The following MKRN1 variants were observed in gnomAD, a reference collection of about 807,000 sequenced individuals.
The protein encoded by MKRN1 is E3 ubiquitin-protein ligase makorin-1.
Under a neutral mutation model 55.5 loss-of-function variants are expected in MKRN1, and 9 were observed. That is an observed-to-expected ratio of 0.16 (90% CI 0.10 to 0.28). The LOEUF (loss-of-function observed/expected upper bound fraction) is 0.28. Among genes scored for constraint, MKRN1 ranks in the 10% least tolerant of loss-of-function variants. The pLI is 1.00. For synonymous variants in MKRN1, 253 were observed against 235.9 expected, an observed-to-expected ratio of 1.07 and a Z score of -0.66; for missense variants, 488 against 626.7, an observed-to-expected ratio of 0.78 and a Z score of 2.36.
intron 2 of MKRN1, among the ~76,000 whole-genome samples, chr7:140,464,515 C>G (rs1794716234): frequency 6.6e-6 from 1 of 152,078 alleles, no homozygotes; most frequent in South Asian, 2.1e-4. Flanking sequence ...CCAGCCTGAT[C>G]AACATGGAGA....
intron 2 of MKRN1, among the ~76,000 whole-genome samples, chr7:140,468,722 A>AAAAAAAAAAAAAC (rs1794839252): frequency 6.6e-6 from 1 of 151,212 alleles, no homozygotes; most frequent in Non-Finnish European, 1.5e-5. Context: ...AAAAAAAAAA[A>AAAAAAAAAAAAAC]AAAGACATGC....
Position 140,468,701 on chromosome 7 carries a change from CAAAAAAA to C in MKRN1, c.314+3175_314+3181del, listed in dbSNP as rs528725182. Among the ~76,000 whole-genome samples, 46 of 32,128 alleles carry C rather than the reference CAAAAAAA, an allele frequency of 1.4e-3. 2 individuals carry two copies. In the South Asian group the frequency reaches 0.064, roughly 45 times the overall value. The allele number at this position is 32,128 out of a possible 152,430, so 21.1% of individuals were successfully genotyped here. ...GGCGACAGACTGAGACTCTGTCTCA[CAAAAAAA>C]AAAAAAAAAAAAAAAAAGACATGCC... is the stretch of plus-strand genomic sequence containing the variant. On this transcript the variant is annotated intron_variant, in intron 2 of 7. Transcript: ENST00000255977.
At chr7:140,460,735 T>G (rs1290245148) in intron 2 of MKRN1, among the ~76,000 whole-genome samples, 1 of 152,236 alleles carries the variant, frequency 6.6e-6, no homozygotes, top group African/African-American at 2.4e-5. Context: ...CCAGAGACCA[T>G]ACTTTTGAGT....
At position 140,454,317 on chromosome 7, in the gene MKRN1, TA is replaced by T; in HGVS notation, c.*199del. ...AAACTAACTTTAAGATTTATTTTTG[TA>T]ACTTTTTTCAACAGGGAAAACAACA... On this transcript the variant is annotated 3_prime_UTR_variant, in exon 8 of 8. Coordinates refer to ENST00000255977, the MANE Select transcript of MKRN1 (RefSeq NM_013446.4). 1.7e-6 allele frequency: 1 copy of T among 598,252 alleles called. No homozygotes were observed. The highest frequency in any genetic ancestry group is 3.0e-6 in the Non-Finnish European group (1 of 337,296). The allele number at this position is 598,252 out of a possible 1,614,324, so 37.1% of individuals were successfully genotyped here.
At chr7:140,470,564 G>T (rs1052508552) in intron 2 of MKRN1, among the ~76,000 whole-genome samples, 1 of 147,350 alleles carries the variant, frequency 6.8e-6, no homozygotes, top group Non-Finnish European at 1.5e-5. Context: ...CAGCCTGGGC[G>T]ACAAGAGCAA....
At chr7:140,474,003 A>G (rs1398934969) in intron 1 of MKRN1, among the ~76,000 whole-genome samples, 7 of 129,440 alleles carry the variant, frequency 5.4e-5, no homozygotes, top group African/African-American at 2.1e-4. Context: ...AAAAAAAAAA[A>G]AAAAAGAAAG....
chr7:140,471,392 A>T (rs1794920594), intron 2 of MKRN1, among the ~76,000 whole-genome samples: 1 of 152,120 alleles, frequency 6.6e-6, no homozygotes, highest in Non-Finnish European at 1.5e-5. Flanking sequence ...AATAAATAAA[A>T]AATAAATTTG....
chr7:140,454,340 A>G lies in MKRN1; in HGVS notation c.*177T>C. 1.6e-6 allele frequency: 1 copy of G among 624,960 alleles called. No individual in the cohort carries two copies. Among genetic ancestry groups the G allele is most frequent in the South Asian group, 2.0e-5 (1 of 50,172 alleles). 38.7% of individuals were successfully genotyped at this position (624,960 alleles called of 1,614,324 possible). On this transcript the variant is annotated 3_prime_UTR_variant, in exon 8 of 8. Transcript: ENST00000255977. ...TGTAACTTTTTTCAACAGGGAAAAC[A>G]ACACACTCCTCAGGGAAAGGTGAGG... is the stretch of plus-strand genomic sequence containing the variant.
intron 2 of MKRN1, among the ~76,000 whole-genome samples, chr7:140,471,221 C>A (rs1030576616): frequency 2.6e-5 from 4 of 151,892 alleles, no homozygotes; most frequent in Non-Finnish European, 5.9e-5. Context: ...CCCATCTCTA[C>A]AAAAAACTAA....
rs13312139 is a variant in MKRN1, at chr7:140,460,226, G to A, written c.315-290C>T. ...CATGCCACTGTACTCCAGCCTGGGC[G>A]ACAGAGTGAGACTCCGTCTCAAAAA... On this transcript the variant is annotated intron_variant, in intron 2 of 7. Transcript: ENST00000255977. 166 of 168,476 alleles carry A rather than the reference G, an allele frequency of 9.9e-4. 1 individual carries two copies. The highest frequency in any genetic ancestry group is 1.4e-3 in the Non-Finnish European group (123 of 89,266). The allele number at this position is 168,476 out of a possible 1,614,324, so 10.4% of individuals were successfully genotyped here.
intron 2 of MKRN1, among the ~76,000 whole-genome samples, chr7:140,461,914 C>T (rs573322900): frequency 3.3e-5 from 5 of 151,614 alleles, no homozygotes; most frequent in African/African-American, 7.3e-5. Context: ...ACCTGGGAGG[C>T]GGAGGTTGCA....
chr7:140,460,315 T>C (rs1043783772), intron 2 of MKRN1: 6 of 152,244 alleles, frequency 3.9e-5, no homozygotes, highest in East Asian at 3.6e-4. Flanking sequence ...CTTTTCTTTT[T>C]TTTTTTTTTT....
rs566428878 is a variant in MKRN1 at position 140,463,613 on chromosome 7, C to T, written c.315-3677G>A. Among the ~76,000 whole-genome samples, 82 of 152,130 alleles carry T rather than the reference C, an allele frequency of 5.4e-4. 1 individual carries two copies. The highest frequency in any genetic ancestry group is 1.7e-3 in the South Asian group (8 of 4,826). On this transcript the variant is annotated intron_variant, in intron 2 of 7. Coordinates refer to ENST00000255977, the MANE Select transcript of MKRN1 (RefSeq NM_013446.4). ...TTAGAAATCCAGCCCAGGCTGGACG[C>T]GGTGGCTCACGCCTGTAATCCCAGC...
chr7:140,470,891 T>C (rs1019914865), intron 2 of MKRN1, among the ~76,000 whole-genome samples: 1 of 152,266 alleles, frequency 6.6e-6, no homozygotes, highest in African/African-American at 2.4e-5. Flanking sequence ...CACTCCAGCC[T>C]GGGCAACAGA....
rs775877265 is a variant in MKRN1 at position 140,456,885 on chromosome 7, G to A, written c.772-19C>T. ...TGCACGACTAGAGAAGGTGGAGAGA[G>A]AACAAGTGGAATCCAGTCATTGAAC... On this transcript the variant is annotated intron_variant, in intron 4 of 7. Transcript: ENST00000255977. 6 of 1,606,912 alleles carry A rather than the reference G, an allele frequency of 3.7e-6. No individual in the cohort carries two copies. The highest frequency in any genetic ancestry group is 2.2e-5 in the East Asian group (1 of 44,786).
At chr7:140,474,391 A>G (rs780539503) in intron 1 of MKRN1, 3 of 332,056 alleles carry the variant, frequency 9.0e-6, no homozygotes, top group South Asian at 6.5e-5. Flanking sequence ...CTGTAGTCCC[A>G]GCTACTTGGG....
Position 140,459,818 on chromosome 7 carries a change from T to A in MKRN1, c.433A>T (p.Asn145Tyr). 1 of 1,614,002 alleles carries A rather than the reference T, an allele frequency of 6.2e-7. No homozygotes were observed. Among genetic ancestry groups the A allele is most frequent in the Non-Finnish European group, 8.5e-7 (1 of 1,179,876 alleles). Residue 145 changes from asparagine (N) to tyrosine (Y), a missense_variant, in exon 3 of 8, where the codon AAT (asparagine) becomes TAT (tyrosine). Physicochemically the swap from Asn to Tyr is moderately radical, Grantham distance 143 (BLOSUM62 -2). Around this residue, in one of 2 missense-constraint regions of MKRN1, gnomAD observed 210 missense variants for 220.0 expected, o/e 0.95. Coordinates refer to ENST00000255977, the MANE Select transcript of MKRN1 (RefSeq NM_013446.4). ...SSIVGPLVEM[N>Y]TGEAESRNSN... is the part of the protein sequence containing the mutation. ...TTTCTTGACTCAGCTTCGCCTGTAT[T>A]CATTTCAACAAGTGGTCCAACTATC... is the stretch of plus-strand genomic sequence containing the variant.
intron 1 of MKRN1, 64 bp from the exon 2 acceptor site, chr7:140,472,075 G>C (rs535176999): frequency 6.3e-7 from 1 of 1,595,696 alleles, no homozygotes; most frequent in East Asian, 2.2e-5. Flanking sequence ...AAACTAATTA[G>C]TATTCATGAC....
rs758996354 is a variant in MKRN1, at chr7:140,459,277, C to T, written c.545-44G>A. 1.8e-5 allele frequency: 28 copies of T among 1,584,322 alleles called. No homozygotes were observed. The Admixed American group carries it at 3.2e-4, about 18-fold the overall frequency. ...GTGGTAAAGGTCCAAATAGATAAGGCATGAACTATAAGAGAACTGAGAATC... is the reference window on the plus strand; with the variant it reads ...GTGGTAAAGGTCCAAATAGATAAGGTATGAACTATAAGAGAACTGAGAATC... On this transcript the variant is annotated intron_variant, in intron 3 of 7. Transcript: ENST00000255977.
Sources: allele counts gnomAD v4.1 joint callset (sites outside exome capture counted in the v4.1 genomes callset), GRCh38; gene constraint gnomAD v4.1.1; regional missense constraint gnomAD v4.1.1; transcripts MANE v1.5; gene names NCBI Gene and HGNC (gene_info 2026-07-23, HGNC 2026-07-21).